The following SCN11A variants were observed in gnomAD, a reference collection of about 807,000 sequenced individuals.
SCN11A encodes the protein sodium voltage-gated channel alpha subunit 11, also known as sodium channel protein type 11 subunit alpha.
SCN11A carries 122 observed loss-of-function variants against 162.2 expected under a neutral mutation model. That is an observed-to-expected ratio of 0.75 (90% CI 0.65 to 0.87). The LOEUF is 0.87. SCN11A is among the 40% of genes least tolerant of loss of function. The probability of loss-of-function intolerance (pLI) is 0.00; values close to 1 mark genes in which losing one functional copy is unlikely to be tolerated. For synonymous variants in SCN11A, 758 were observed against 751.5 expected, an observed-to-expected ratio of 1.01 and a Z score of -0.14; for missense variants, 2,015 against 2,181.6, an observed-to-expected ratio of 0.92 and a Z score of 1.52.
rs1480403463 is a variant in SCN11A at position 38,920,108 on chromosome 3, T to C, written c.893-107A>G. On this transcript the variant is annotated intron_variant, in intron 10 of 29. Coordinates refer to ENST00000302328, the MANE Select transcript of SCN11A (RefSeq NM_001349253.2). ...TGAAAATGGATGTTTCTACATCTTC[T>C]AAAATGATTAAAGGAGGTGTGTCCA... 6 of 829,124 alleles carry C rather than the reference T, an allele frequency of 7.2e-6. No homozygotes were observed. The East Asian group carries it at 1.5e-4, about 21-fold the overall frequency. The allele number at this position is 829,124 out of a possible 1,614,324, so 51.4% of individuals were successfully genotyped here.
intron 1 of SCN11A, among the ~76,000 whole-genome samples, chr3:39,039,304 C>A (rs1411781825): frequency 6.6e-6 from 1 of 152,196 alleles, no homozygotes; most frequent in African/African-American, 2.4e-5. Flanking sequence ...GGTATAATAT[C>A]CCTTTGTTTC....
Position 38,903,883 on chromosome 3 carries a change from C to CA in SCN11A, c.1823dup (p.Met608IlefsTer11). ...ATGTTACCAAATTCCCTATATTCAA[C>CA]ATCTTCTCAAAACTGGCCTCCATCT... On this transcript the variant is annotated frameshift_variant, in exon 16 of 30. Transcript: ENST00000302328. LOFTEE classifies it high-confidence loss of function. The CA allele has an allele frequency of 6.2e-7, 1 of 1,603,718 alleles. No individual in the cohort carries two copies. The highest frequency in any genetic ancestry group is 8.5e-7 in the Non-Finnish European group (1 of 1,175,806).
rs1273177154 is a variant in SCN11A at position 38,875,266 on chromosome 3, C to A, written c.3394-2972G>T. On this transcript the variant is annotated intron_variant, in intron 23 of 29. Transcript: ENST00000302328. ...TGTAAGATTATTTTCTTATTTGATTCATTTCTGTTCTATTCATTTATTATC... is the reference window on the plus strand; with the variant it reads ...TGTAAGATTATTTTCTTATTTGATTAATTTCTGTTCTATTCATTTATTATC... 7.9e-5 allele frequency among the ~76,000 whole-genome samples: 12 copies of A among 152,182 alleles called. No individual in the cohort carries two copies. The East Asian group carries it at 1.5e-3, about 20-fold the overall frequency.
chr3:38,867,959 G>A (rs2065068470), intron 26 of SCN11A, among the ~76,000 whole-genome samples: 1 of 152,060 alleles, frequency 6.6e-6, no homozygotes, highest in East Asian at 1.9e-4. Flanking sequence ...ACTTCCTAGT[G>A]CCTAGCATAC....
intron 2 of SCN11A, among the ~76,000 whole-genome samples, chr3:38,984,540 C>T (rs1329394244): frequency 6.6e-6 from 1 of 151,546 alleles, no homozygotes; most frequent in African/African-American, 2.4e-5. Flanking sequence ...GACAAAGCCA[C>T]ACTCCTGTCC....
Position 38,880,091 on chromosome 3 carries a change from G to C in SCN11A, c.3252C>G (p.Pro1084=). Residue 1084 remains proline (P), a synonymous_variant, in exon 23 of 30, where the codon CCC becomes CCG. Coordinates refer to ENST00000302328, the MANE Select transcript of SCN11A (RefSeq NM_001349253.2). The part of the protein sequence containing the change: ...IFEDVHLENQ[P]KIQELLNCTD... The stretch of plus-strand genomic sequence containing the variant: ...TACAATTTAGTAATTCTTGGATTTT[G>C]GGTTGGTTCTCAAGGTGAACATCTT... The C allele has an allele frequency of 6.2e-7, 1 of 1,611,532 alleles. No individual in the cohort carries two copies.
intron 27 of SCN11A, among the ~76,000 whole-genome samples, chr3:38,863,682 T>A (rs1285394915): frequency 6.6e-6 from 1 of 152,058 alleles, no homozygotes; most frequent in Non-Finnish European, 1.5e-5. Flanking sequence ...ATTGAATTTC[T>A]CTTAAATAAT....
In SCN11A at chr3:38,908,176, T is replaced by C. The variant is rs1026439462; in HGVS notation, c.1300-54A>G. The C allele has an allele frequency of 1.6e-5, 25 of 1,522,788 alleles. No homozygotes were observed. In the East Asian group the frequency reaches 2.3e-4, roughly 14 times the overall value. 94.3% of individuals were successfully genotyped at this position (1,522,788 alleles called of 1,614,324 possible). On this transcript the variant is annotated intron_variant, in intron 13 of 29. Coordinates refer to ENST00000302328, the MANE Select transcript of SCN11A (RefSeq NM_001349253.2). ...ACAGATTACACCTCCTCATGAAACA[T>C]TGCAAATGACCCCGACCTGAGAGTG... is the stretch of plus-strand genomic sequence containing the variant.
At chr3:38,917,982 T>C (rs2065986104) in intron 11 of SCN11A, among the ~76,000 whole-genome samples, 1 of 152,236 alleles carries the variant, frequency 6.6e-6, no homozygotes, top group African/African-American at 2.4e-5. Flanking sequence ...CCCACCACTC[T>C]CTATTGTCAT....
At chr3:38,946,496 C>T (rs2066518530) in intron 6 of SCN11A, among the ~76,000 whole-genome samples, 1 of 152,174 alleles carries the variant, frequency 6.6e-6, no homozygotes, top group Non-Finnish European at 1.5e-5. Context: ...AGAAGCCATC[C>T]TTGATGCCTC....
At chr3:39,005,080 G>T (rs2030933852) in intron 2 of SCN11A, among the ~76,000 whole-genome samples, 1 of 152,302 alleles carries the variant, frequency 6.6e-6, no homozygotes, top group South Asian at 2.1e-4. Flanking sequence ...TGCATGCACT[G>T]GTGGTCAGAG....
rs576202826 is a variant in SCN11A, at chr3:38,982,331, C to T, written c.-279-21908G>A. On this transcript the variant is annotated intron_variant, in intron 2 of 29. Transcript: ENST00000302328. ...CCTGGAACTTTTACTGGGTGTAAAG[C>T]GCATTTGTTTCCACAGAGCAAGAGG... Among the ~76,000 whole-genome samples, 152 of 152,294 alleles carry T rather than the reference C, an allele frequency of 1.0e-3. 1 individual carries two copies. The highest frequency in any genetic ancestry group is 2.5e-3 in the Admixed American group (39 of 15,296).
At chr3:39,038,021 G>T (rs2031951998) in intron 1 of SCN11A, among the ~76,000 whole-genome samples, 1 of 152,190 alleles carries the variant, frequency 6.6e-6, no homozygotes, top group Admixed American at 6.5e-5. Flanking sequence ...AGAAGGCAAA[G>T]AATTAAATGG....
intron 2 of SCN11A, among the ~76,000 whole-genome samples, chr3:39,029,143 T>C (rs2031681724): frequency 6.6e-6 from 1 of 152,110 alleles, no homozygotes; most frequent in African/African-American, 2.4e-5. Flanking sequence ...GTAGGTAAAT[T>C]TCTAGAAAAA....
intron 14 of SCN11A, among the ~76,000 whole-genome samples, chr3:38,906,759 TC>T (rs1385663232): frequency 6.6e-6 from 1 of 152,108 alleles, no homozygotes; most frequent in Non-Finnish European, 1.5e-5. Context: ...TCCAGTCATA[TC>T]CCTCTCTTAT....
At chr3:38,861,374 C>T (rs2064960871) in intron 28 of SCN11A, among the ~76,000 whole-genome samples, 1 of 152,036 alleles carries the variant, frequency 6.6e-6, no homozygotes, top group African/African-American at 2.4e-5. Context: ...TCATCCTTCA[C>T]AGGACTAGAA....
Position 38,846,491 on chromosome 3 carries a change from T to C in SCN11A, c.*203A>G. 1.8e-6 allele frequency: 1 copy of C among 566,504 alleles called. No homozygotes were observed. The highest frequency in any genetic ancestry group is 3.1e-6 in the Non-Finnish European group (1 of 318,528). The allele number at this position is 566,504 out of a possible 1,614,324, so 35.1% of individuals were successfully genotyped here. On this transcript the variant is annotated 3_prime_UTR_variant, in exon 30 of 30. Transcript: ENST00000302328. ...TTCTTCCTTATTATAATAGTACCACTGGTTGTCAAGTAGCCTTATCTTATA... is the reference window on the plus strand; with the variant it reads ...TTCTTCCTTATTATAATAGTACCACCGGTTGTCAAGTAGCCTTATCTTATA...
chr3:38,964,448 A>ATGAGAAAGAACAGGTGTGC, intron 2 of SCN11A, among the ~76,000 whole-genome samples: 1 of 152,370 alleles, frequency 6.6e-6, no homozygotes, highest in African/African-American at 2.4e-5. Flanking sequence ...CATCTGCTGC[A>ATGAGAAAGAACAGGTGTGC]TGAGAAAGAA....
chr3:38,999,832 G>A (rs550025282), intron 2 of SCN11A, among the ~76,000 whole-genome samples: 1 of 152,112 alleles, frequency 6.6e-6, no homozygotes, highest in South Asian at 2.1e-4. Context: ...TATAATTATA[G>A]GTACTCCAAT....
Sources: gnomAD v4.1 joint callset for allele counts (sites outside exome capture counted in the v4.1 genomes callset) on GRCh38, gnomAD v4.1.1 for gene constraint, MANE v1.5 for transcripts, NCBI Gene and HGNC (gene_info 2026-07-23, HGNC 2026-07-21) for gene names.